Variants in KCNQ5 observed in about 807,000 individuals in gnomAD.
KCNQ5 encodes potassium voltage-gated channel subfamily Q member 5, also known as potassium voltage-gated channel subfamily KQT member 5.
In KCNQ5, 30 loss-of-function variants were observed where a neutral mutation model predicts 98.2. The observed-to-expected ratio is 0.31, with a 90% CI of 0.23 to 0.41. KCNQ5 has a LOEUF of 0.41. KCNQ5 is among the 10% of genes least tolerant of loss of function. The probability of loss-of-function intolerance (pLI) is 1.00; values close to 1 mark genes in which losing one functional copy is unlikely to be tolerated. For missense variants in KCNQ5, 835 were observed against 1,182.5 expected (o/e 0.71, Z 4.31); for synonymous variants, 458 against 449.4 (o/e 1.02, Z -0.24).
intron 2 of KCNQ5, among the ~76,000 whole-genome samples, chr6:73,012,973 T>C (rs919687624): frequency 4.6e-5 from 7 of 152,040 alleles, no homozygotes; most frequent in Non-Finnish European, 8.8e-5. Context: ...CTTGGAAAGA[T>C]AGCAAATATG....
At chr6:72,986,767 G>A in intron 1 of KCNQ5, 2 of 1,480,254 alleles carry the variant, frequency 1.4e-6, no homozygotes, top group Non-Finnish European at 9.4e-7. Flanking sequence ...ACCCCAGACA[G>A]GGTGAAGAGG....
intron 1 of KCNQ5, among the ~76,000 whole-genome samples, chr6:72,971,373 C>T (rs1767888618): frequency 6.6e-6 from 1 of 152,078 alleles, no homozygotes; most frequent in Admixed American, 6.6e-5. Context: ...TGTGGAAAAA[C>T]AGGAACACTT....
At chr6:73,007,552 C>T (rs925148951) in intron 2 of KCNQ5, among the ~76,000 whole-genome samples, 16 of 152,206 alleles carry the variant, frequency 1.1e-4, no homozygotes, top group African/African-American at 3.9e-4. Context: ...TTGCAACTTA[C>T]AGAGGAAGGC....
intron 1 of KCNQ5, among the ~76,000 whole-genome samples, chr6:72,988,654 T>TTC (rs1554194821): frequency 5.4e-5 from 8 of 148,898 alleles, no homozygotes; most frequent in Non-Finnish European, 1.0e-4. Context: ...ATTTTCTTTT[T>TTC]TTTTTTTTTT....
intron 1 of KCNQ5, among the ~76,000 whole-genome samples, chr6:72,792,777 T>G (rs1389593815): frequency 6.6e-6 from 1 of 152,184 alleles, no homozygotes; most frequent in Non-Finnish European, 1.5e-5. Context: ...TTCAGCAAAT[T>G]CAAAACCCAG....
chr6:73,088,431 A>G (rs527875485), intron 5 of KCNQ5, among the ~76,000 whole-genome samples: 2 of 152,192 alleles, frequency 1.3e-5, no homozygotes, highest in South Asian at 4.2e-4. Context: ...CGATTGTTCT[A>G]CTTTTGAAAA....
intron 3 of KCNQ5, chr6:73,055,364 G>A (rs1772434914): frequency 8.2e-6 from 12 of 1,459,014 alleles, no homozygotes; most frequent in Non-Finnish European, 8.6e-6. Context: ...GCAGCACTAT[G>A]GGGCTCTAGC....
intron 9 of KCNQ5, chr6:73,129,878 G>T: frequency 6.3e-7 from 1 of 1,595,658 alleles, no homozygotes; most frequent in South Asian, 1.1e-5. Context: ...ATTGACATGA[G>T]ATTTGAGAAT....
At chr6:73,168,904 C>T (rs932537137) in intron 10 of KCNQ5, among the ~76,000 whole-genome samples, 4 of 152,108 alleles carry the variant, frequency 2.6e-5, no homozygotes, top group Admixed American at 2.0e-4. Flanking sequence ...TACTGTGACA[C>T]TTTCCCAGTC....
chr6:73,112,236 A>G (rs995366029), intron 7 of KCNQ5, among the ~76,000 whole-genome samples: 59 of 152,254 alleles, frequency 3.9e-4, no homozygotes, highest in African/African-American at 1.4e-3. Context: ...GAATTTCTAA[A>G]CTGGAGGGTC....
At chr6:73,031,438 G>C (rs1428547974) in intron 2 of KCNQ5, among the ~76,000 whole-genome samples, 1 of 152,176 alleles carries the variant, frequency 6.6e-6, no homozygotes, top group Non-Finnish European at 1.5e-5. Flanking sequence ...CCTCCAGCTA[G>C]CTCTTTTTGA....
intron 1 of KCNQ5, among the ~76,000 whole-genome samples, chr6:72,904,125 GT>G (rs1315237876): frequency 6.6e-6 from 1 of 152,110 alleles, no homozygotes; most frequent in Non-Finnish European, 1.5e-5. Flanking sequence ...TTTAAAGTTT[GT>G]TTTGTCTGAT....
chr6:72,734,926 T>C (rs1561949919), intron 1 of KCNQ5, among the ~76,000 whole-genome samples: 1 of 152,212 alleles, frequency 6.6e-6, no homozygotes, highest in Non-Finnish European at 1.5e-5. Context: ...TAATTTTCAA[T>C]TTCACTTCAA....
intron 1 of KCNQ5, among the ~76,000 whole-genome samples, chr6:72,628,954 T>C (rs770512268): frequency 2.6e-5 from 4 of 152,148 alleles, no homozygotes; most frequent in African/African-American, 2.4e-5. Flanking sequence ...ACATCACTCC[T>C]CCTCTGCTTG....
chr6:72,640,954 T>C (rs1307583431), intron 1 of KCNQ5: 1 of 152,190 alleles, frequency 6.6e-6, no homozygotes, highest in African/African-American at 2.4e-5. Context: ...ATGAAGAATA[T>C]TCTTTAAATA....
At chr6:72,693,922 A>G (rs1352378775) in intron 1 of KCNQ5, among the ~76,000 whole-genome samples, 1 of 152,198 alleles carries the variant, frequency 6.6e-6, no homozygotes, top group Non-Finnish European at 1.5e-5. Context: ...TAGTTTCTGA[A>G]GGTGTCAGAA....
intron 1 of KCNQ5, among the ~76,000 whole-genome samples, chr6:72,707,564 T>C (rs1342932516): frequency 1.3e-5 from 2 of 152,184 alleles, no homozygotes; most frequent in Non-Finnish European, 2.9e-5. Flanking sequence ...ATAGCCAAGA[T>C]AAAATGCTTA....
intron 1 of KCNQ5, among the ~76,000 whole-genome samples, chr6:72,946,528 G>GT (rs1446833943): frequency 6.6e-6 from 1 of 152,124 alleles, no homozygotes; most frequent in Non-Finnish European, 1.5e-5. Context: ...GAAGTGTTAT[G>GT]TTTTTATGTA....
intron 1 of KCNQ5, among the ~76,000 whole-genome samples, chr6:72,681,718 G>A (rs1767721125): frequency 1.3e-5 from 2 of 152,116 alleles, no homozygotes; most frequent in Admixed American, 1.3e-4. Context: ...TATCCCCACA[G>A]CTTATCATCA....
Sources: gnomAD v4.1 joint callset for allele counts (sites outside exome capture counted in the v4.1 genomes callset) on GRCh38, gnomAD v4.1.1 for gene constraint, MANE v1.5 for transcripts, NCBI Gene and HGNC (gene_info 2026-07-23, HGNC 2026-07-21) for gene names.